Variants in FBXO11 observed in about 807,000 individuals in gnomAD.
FBXO11 encodes the protein F-box only protein 11.
In FBXO11, 13 loss-of-function variants were observed where a neutral mutation model predicts 117.0. The observed-to-expected ratio is 0.11, with a 90% CI of 0.07 to 0.18. The LOEUF is 0.18. FBXO11 is among the 10% of genes least tolerant of loss of function. The probability of loss-of-function intolerance (pLI) is 1.00; values close to 1 mark genes in which losing one functional copy is unlikely to be tolerated. For missense variants in FBXO11, 767 were observed against 1,164.4 expected (o/e 0.66, Z 4.97); for synonymous variants, 490 against 380.5 (o/e 1.29, Z -3.35).
intron 14 of FBXO11, 101 bp downstream of exon 14, chr2:47,820,261 C>T (rs1463651218): frequency 4.1e-6 from 3 of 731,794 alleles, no homozygotes; most frequent in African/African-American, 1.7e-5. Context: ...AAATTCATAC[C>T]TCAAAAGTTG....
intron 1 of FBXO11, among the ~76,000 whole-genome samples, chr2:47,888,949 T>C (rs1013858562): frequency 3.3e-5 from 5 of 152,250 alleles, no homozygotes; most frequent in African/African-American, 1.2e-4. Flanking sequence ...TTTTTAATCA[T>C]CTATGAACAT....
chr2:47,883,797 T>C (rs1464731426), intron 1 of FBXO11: 1 of 225,810 alleles, frequency 4.4e-6, no homozygotes, highest in African/African-American at 2.3e-5. Context: ...TTAGTCGCCT[T>C]AGTCGGGAGT....
chr2:47,886,008 A>ATTGTGCATACTTGTGCATAATGCAATC (rs755609786), intron 1 of FBXO11, among the ~76,000 whole-genome samples: 10,989 of 152,194 alleles, frequency 0.072, 560 homozygotes, highest in Non-Finnish European at 0.11. Flanking sequence ...TCAATACTTA[A>ATTGTGCATACTTGTGCATAATGCAATC]CCTCATGCAT....
At chr2:47,854,681 G>C (rs1409825051) in intron 1 of FBXO11, among the ~76,000 whole-genome samples, 3 of 151,922 alleles carry the variant, frequency 2.0e-5, no homozygotes, top group African/African-American at 7.3e-5. Context: ...AGATTGCTGG[G>C]CTCCACCTCC....
intron 1 of FBXO11, among the ~76,000 whole-genome samples, chr2:47,887,834 C>T (rs1194089893): frequency 6.6e-6 from 1 of 152,114 alleles, no homozygotes; most frequent in Non-Finnish European, 1.5e-5. Context: ...GCATTCCAGC[C>T]TGAATGACTG....
chr2:47,895,930 C>A (rs141294582), intron 1 of FBXO11, among the ~76,000 whole-genome samples: 2,777 of 152,114 alleles, frequency 0.018, 31 homozygotes, highest in Non-Finnish European at 0.028. Context: ...CTCCTGACCT[C>A]GTGATCCACT....
chr2:47,888,298 G>T (rs901613477), intron 1 of FBXO11, among the ~76,000 whole-genome samples: 3 of 152,128 alleles, frequency 2.0e-5, no homozygotes, highest in African/African-American at 7.2e-5. Flanking sequence ...CTGGAGACTT[G>T]GGCTCTAAAT....
intron 1 of FBXO11, among the ~76,000 whole-genome samples, chr2:47,848,108 A>G (rs1357646328): frequency 2.0e-5 from 3 of 152,012 alleles, no homozygotes; most frequent in African/African-American, 7.2e-5. Context: ...TGGGCGACAG[A>G]GCGAGACCCC....
intron 1 of FBXO11, among the ~76,000 whole-genome samples, chr2:47,887,070 G>A (rs12712998): frequency 0.2 from 29,919 of 151,858 alleles, 3,600 homozygotes; most frequent in Middle Eastern, 0.28. Context: ...CAGATCATCC[G>A]AGATTGGGAG....
chr2:47,852,198 C>T (rs938724913), intron 1 of FBXO11, among the ~76,000 whole-genome samples: 1 of 152,096 alleles, frequency 6.6e-6, no homozygotes, highest in African/African-American at 2.4e-5. Flanking sequence ...CCATGTTGGC[C>T]AGGGTGGTCT....
chr2:47,893,960 T>TG (rs1419167020), intron 1 of FBXO11, among the ~76,000 whole-genome samples: 1 of 152,212 alleles, frequency 6.6e-6, no homozygotes, highest in Non-Finnish European at 1.5e-5. Context: ...AAAGATCAAC[T>TG]GGTAGCATTA....
intron 1 of FBXO11, among the ~76,000 whole-genome samples, chr2:47,882,504 T>C (rs1311608852): frequency 2.6e-5 from 4 of 152,162 alleles, no homozygotes; most frequent in Admixed American, 6.6e-5. Context: ...TCTATAGGGG[T>C]TTCAATTCTA....
At chr2:47,842,503 G>C (rs934743778) in intron 1 of FBXO11, among the ~76,000 whole-genome samples, 1 of 152,102 alleles carries the variant, frequency 6.6e-6, no homozygotes, top group African/African-American at 2.4e-5. Context: ...AAAGGGGGGA[G>C]AGTTTGTAAA....
intron 1 of FBXO11, among the ~76,000 whole-genome samples, chr2:47,900,605 T>C (rs575500214): frequency 3.6e-5 from 4 of 112,290 alleles, no homozygotes; most frequent in Non-Finnish European, 8.2e-5. Flanking sequence ...TACACACGTA[T>C]ACACACGTAT....
At chr2:47,886,227 G>A (rs887941667) in intron 1 of FBXO11, among the ~76,000 whole-genome samples, 1 of 151,964 alleles carries the variant, frequency 6.6e-6, no homozygotes, top group African/African-American at 2.4e-5. Flanking sequence ...TGAACCTTTC[G>A]CCAGGCACGG....
rs368224810 is a variant in FBXO11 at position 47,876,823 on chromosome 2, T to C, written c.232+28666A>G. Reference sequence around the variant, plus strand: ...TTCTGGAAACCTTTTAATCATTATCTCACTGAATACTGTTTCTCTACTACT... The same window carrying C: ...TTCTGGAAACCTTTTAATCATTATCCCACTGAATACTGTTTCTCTACTACT... On this transcript the variant is annotated intron_variant, in intron 1 of 22. Transcript: ENST00000403359. 4.2e-4 allele frequency among the ~76,000 whole-genome samples: 64 copies of C among 152,322 alleles called. 1 individual carries two copies. The highest frequency in any genetic ancestry group is 1.5e-3 in the African/African-American group (62 of 41,580).
intron 1 of FBXO11, among the ~76,000 whole-genome samples, chr2:47,860,526 T>A (rs538010464): frequency 1.8e-4 from 27 of 151,882 alleles, no homozygotes; most frequent in Non-Finnish European, 3.2e-4. Flanking sequence ...TTCTCCTGCC[T>A]TAGCATCCCA....
intron 11 of FBXO11, among the ~76,000 whole-genome samples, chr2:47,829,701 A>G (rs1672038969): frequency 1.3e-5 from 2 of 152,102 alleles, no homozygotes; most frequent in African/African-American, 4.8e-5. Context: ...CACTGTGGTT[A>G]TGTGAAAGAA....
Position 47,822,302 on chromosome 2 carries a change from C to T in FBXO11, c.1618G>A (p.Gly540Arg). ...ITSNSDPTIR[G>R]NSIFNGNQGG... Reference sequence around the variant, plus strand: ...TGATTTCCATTAAATATAGAATTTCCCCTATAATTATGCGAAATAAAAAAA... The same window carrying T: ...TGATTTCCATTAAATATAGAATTTCTCCTATAATTATGCGAAATAAAAAAA... The change falls in exon 13 of 23, where the codon GGA becomes AGA. Residue 540 changes from glycine (G) to arginine (R), a missense_variant and splice_region_variant. By Grantham distance (125) the Gly-to-Arg change is moderately radical. Coordinates refer to ENST00000403359, the MANE Select transcript of FBXO11 (RefSeq NM_001190274.2). The T allele has an allele frequency of 1.3e-6, 2 of 1,565,480 alleles. No individual in the cohort carries two copies. The highest frequency in any genetic ancestry group is 1.7e-6 in the Non-Finnish European group (2 of 1,151,228).
Sources: allele counts gnomAD v4.1 joint callset (sites outside exome capture counted in the v4.1 genomes callset), GRCh38; gene constraint gnomAD v4.1.1; transcripts MANE v1.5; gene names NCBI Gene and HGNC (gene_info 2026-07-23, HGNC 2026-07-21).